CELF2: variants seen among roughly 807,000 people sequenced by gnomAD.
The protein encoded by CELF2 is CUG triplet repeat RNA-binding protein 2.
In CELF2, 8 loss-of-function variants were observed where a neutral mutation model predicts 62.6. The observed-to-expected ratio is 0.13, with a 90% CI of 0.07 to 0.23. The LOEUF (loss-of-function observed/expected upper bound fraction) is 0.23. CELF2 is among the 10% of genes least tolerant of loss of function. The pLI is 1.00. For synonymous variants in CELF2, 258 were observed against 250.0 expected (o/e 1.03, Z -0.30); for missense variants, 333 against 671.0 (o/e 0.50, Z 5.56).
In CELF2 at chr10:11,318,589, T is replaced by G. The variant is rs1198265753; in HGVS notation, c.1097-2600T>G. On this transcript the variant is annotated intron_variant, in intron 10 of 12. Coordinates refer to ENST00000633077, the MANE Select transcript of CELF2 (RefSeq NM_001326342.2). The surrounding 1 kb of genome is among the most constrained non-coding windows in gnomAD (Gnocchi z 5.4). ...TGGAGCCAGGAGAGAAGGATGTGGCTGGAATGTCACTGGCTGGAGCTCCAA... is the reference window on the plus strand; with the variant it reads ...TGGAGCCAGGAGAGAAGGATGTGGCGGGAATGTCACTGGCTGGAGCTCCAA... 5.4e-6 allele frequency: 2 copies of G among 372,760 alleles called. No individual in the cohort carries two copies. The highest frequency in any genetic ancestry group is 2.1e-5 in the African/African-American group (1 of 46,928). 23.1% of individuals were successfully genotyped at this position (372,760 alleles called of 1,614,324 possible).
chr10:10,758,571 G>A, the CELF2 span, among the ~76,000 whole-genome samples: 64 of 147,608 alleles, frequency 4.3e-4, no homozygotes, highest in East Asian at 2.6e-3. Flanking sequence ...CGCTGTCCCA[G>A]TGTCTACACA....
chr10:10,486,865 C>G, the CELF2 span, among the ~76,000 whole-genome samples: 1 of 152,072 alleles, frequency 6.6e-6, no homozygotes, highest in Non-Finnish European at 1.5e-5. Context: ...ATGGAGAAGA[C>G]TCAGTCCACT....
chr10:11,114,583 C>G (rs1016269980), intron 1 of CELF2, among the ~76,000 whole-genome samples: 19 of 152,186 alleles, frequency 1.2e-4, no homozygotes, highest in Admixed American at 1.3e-4. Flanking sequence ...AATATCAATG[C>G]AGTCAAATAT....
chr10:11,150,629 A>T (rs1052629100), intron 1 of CELF2, among the ~76,000 whole-genome samples: 8 of 152,030 alleles, frequency 5.3e-5, no homozygotes, highest in Non-Finnish European at 1.0e-4. Context: ...GTGTACCCAA[A>T]CCTCCCCATG....
rs1383479366 is a variant in CELF2 at position 10,957,336 on chromosome 10, C to T, written c.89+37337C>T. Reference sequence around the variant, plus strand: ...AGCGCTGTGATTGAATTAACATTCTCTTTGTGCATGTGTCTCCTCTGGGAT... The same window carrying T: ...AGCGCTGTGATTGAATTAACATTCTTTTTGTGCATGTGTCTCCTCTGGGAT... On this transcript the variant is annotated intron_variant, in intron 2 of 13. Transcript: ENST00000636488. This position sits in a 1 kb window ranked among gnomAD's most constrained non-coding sequence, Gnocchi z 4.1. 6.6e-6 allele frequency among the ~76,000 whole-genome samples: 1 copy of T among 152,184 alleles called. No individual in the cohort carries two copies. Among genetic ancestry groups the T allele is most frequent in the Non-Finnish European group, 1.5e-5 (1 of 68,030 alleles).
intron 1 of CELF2, among the ~76,000 whole-genome samples, chr10:10,866,734 A>G (rs929083525): frequency 5.9e-5 from 9 of 151,782 alleles, no homozygotes; most frequent in Non-Finnish European, 1.2e-4. Context: ...AAGTGGGCAG[A>G]TCACGGTAAA....
At chr10:10,929,818 G>T (rs2065891408) in intron 2 of CELF2, among the ~76,000 whole-genome samples, 1 of 152,216 alleles carries the variant, frequency 6.6e-6, no homozygotes, top group South Asian at 2.1e-4. Context: ...AAGCCATCGG[G>T]CATATAACCC....
At chr10:11,108,707 C>T (rs944047625) in intron 1 of CELF2, among the ~76,000 whole-genome samples, 1 of 152,206 alleles carries the variant, frequency 6.6e-6, no homozygotes. Flanking sequence ...TGTTTCCCCA[C>T]GTCTCCACTT....
the CELF2 span, among the ~76,000 whole-genome samples, chr10:10,680,035 A>G: frequency 6.6e-6 from 1 of 152,180 alleles, no homozygotes; most frequent in Non-Finnish European, 1.5e-5. Flanking sequence ...ATACGTTAAT[A>G]CTCATTTAAC....
chr10:10,712,173 A>AAAT, the CELF2 span, among the ~76,000 whole-genome samples: 5 of 149,488 alleles, frequency 3.3e-5, no homozygotes, highest in African/African-American at 1.2e-4. Flanking sequence ...AAAAAAAAAA[A>AAAT]CTGGAATCTC....
At chr10:10,515,021 C>T in the CELF2 span, among the ~76,000 whole-genome samples, 1 of 152,186 alleles carries the variant, frequency 6.6e-6, no homozygotes, top group African/African-American at 2.4e-5. Context: ...TATGTAAATG[C>T]ATCATAGCAG....
intron 3 of CELF2, among the ~76,000 whole-genome samples, chr10:11,235,024 T>C (rs1403879159): frequency 3.3e-5 from 5 of 152,162 alleles, no homozygotes; most frequent in Non-Finnish European, 5.9e-5. Flanking sequence ...TTTACCAAGT[T>C]TTAACGAGGT....
rs1484907696 is a variant in CELF2, at chr10:11,075,662, C to CT, written c.74+57502dup. Reference sequence around the variant, plus strand: ...GTTTAGCGTTCACTTAGAGACTTGTCTTTGGCGGATAAAGTGTTTGCAGCC... The same window carrying CT: ...GTTTAGCGTTCACTTAGAGACTTGTCTTTTGGCGGATAAAGTGTTTGCAGCC... On this transcript the variant is annotated intron_variant, in intron 1 of 12. Coordinates refer to ENST00000633077, the MANE Select transcript of CELF2 (RefSeq NM_001326342.2). This position sits in a 1 kb window ranked among gnomAD's most constrained non-coding sequence, Gnocchi z 5.4. Among the ~76,000 whole-genome samples the CT allele has an allele frequency of 6.6e-6, 1 of 152,084 alleles. No homozygotes were observed. Among genetic ancestry groups the CT allele is most frequent in the Non-Finnish European group, 1.5e-5 (1 of 68,020 alleles).
intron 1 of CELF2, among the ~76,000 whole-genome samples, chr10:11,147,188 G>A (rs2062434689): frequency 6.6e-6 from 1 of 152,162 alleles, no homozygotes; most frequent in Admixed American, 6.5e-5. Flanking sequence ...ATGAAAAAGG[G>A]ATGATGGATT....
At chr10:10,907,134 T>C (rs1341682953) in intron 1 of CELF2, among the ~76,000 whole-genome samples, 1 of 152,040 alleles carries the variant, frequency 6.6e-6, no homozygotes, top group African/African-American at 2.4e-5. Context: ...CACACATGCA[T>C]GCACACACAT....
chr10:11,263,645 G>A (rs2138213326), intron 5 of CELF2, among the ~76,000 whole-genome samples: 1 of 152,282 alleles, frequency 6.6e-6, no homozygotes, highest in East Asian at 1.9e-4. Context: ...GGTTATTTCT[G>A]TCCAATGGAA....
intron 3 of CELF2, among the ~76,000 whole-genome samples, chr10:11,231,259 G>A (rs1180209365): frequency 1.3e-5 from 2 of 152,214 alleles, no homozygotes; most frequent in African/African-American, 2.4e-5. Flanking sequence ...ATCCTGGATT[G>A]TAGTCTGTAA....
chr10:10,881,858 A>G (rs1007130441), intron 1 of CELF2, among the ~76,000 whole-genome samples: 1 of 152,360 alleles, frequency 6.6e-6, no homozygotes, highest in South Asian at 2.1e-4. Context: ...AAGTGTAGGC[A>G]TGACTGGATA....
At chr10:10,747,031 G>T in the CELF2 span, among the ~76,000 whole-genome samples, 1 of 152,208 alleles carries the variant, frequency 6.6e-6, no homozygotes, top group African/African-American at 2.4e-5. Flanking sequence ...CTTGAAGTAA[G>T]TCCTTAGGAA....
Sources: gnomAD v4.1 joint callset for allele counts (sites outside exome capture counted in the v4.1 genomes callset) on GRCh38, gnomAD v4.1.1 for gene constraint, Gnocchi (gnomAD v3.1) non-coding constraint, MANE v1.5 for transcripts, NCBI Gene and HGNC (gene_info 2026-07-23, HGNC 2026-07-21) for gene names.